Variants in CADM2 observed in about 807,000 individuals in gnomAD.
CADM2 encodes immunoglobulin superfamily member 4D.
A neutral mutation model predicts 49.8 loss-of-function variants in CADM2; 12 were observed. The ratio of observed to expected loss-of-function variants is 0.24; its 90% CI spans 0.15 to 0.39. The LOEUF (loss-of-function observed/expected upper bound fraction) is 0.39, where lower values mean the gene tolerates loss of function less well. Among genes scored for constraint, CADM2 ranks in the 10% least tolerant of loss-of-function variants. The pLI is 1.00. For synonymous variants in CADM2, 214 were observed against 175.4 expected, an observed-to-expected ratio of 1.22 and a Z score of -1.74; for missense variants, 378 against 492.3, an observed-to-expected ratio of 0.77 and a Z score of 2.20.
intron 5 of CADM2, among the ~76,000 whole-genome samples, chr3:85,887,174 A>T (rs1713780318): frequency 7.0e-6 from 1 of 143,552 alleles, no homozygotes; most frequent in Non-Finnish European, 1.6e-5. Flanking sequence ...TGTACCTCGC[A>T]CTCCTAGGCT....
At position 86,008,631 on chromosome 3, in the gene CADM2, A is replaced by T. The variant is rs141957548; in HGVS notation, c.970+46984A>T. 1.2e-3 allele frequency among the ~76,000 whole-genome samples: 179 copies of T among 152,166 alleles called. 1 individual carries two copies. The East Asian group carries it at 0.028, about 23-fold the overall frequency. On this transcript the variant is annotated intron_variant, in intron 8 of 9. Coordinates refer to ENST00000383699, the MANE Select transcript of CADM2 (RefSeq NM_001167675.2). Reference sequence around the variant, plus strand: ...GCAGAAAATCCAGTCACCAAAGAGGATTTAGAGGGCTAAATTTTAATTTGG... The same window carrying T: ...GCAGAAAATCCAGTCACCAAAGAGGTTTTAGAGGGCTAAATTTTAATTTGG...
intron 1 of CADM2, among the ~76,000 whole-genome samples, chr3:85,439,050 C>T (rs1302615567): frequency 3.3e-5 from 5 of 150,408 alleles, no homozygotes; most frequent in Non-Finnish European, 5.9e-5. Flanking sequence ...AGATAGAGCT[C>T]GATAGATAAT....
chr3:85,623,597 G>A (rs1440589938), intron 1 of CADM2, among the ~76,000 whole-genome samples: 2 of 152,112 alleles, frequency 1.3e-5, no homozygotes, highest in African/African-American at 2.4e-5. Context: ...GAATCAGAGA[G>A]CAAGTGTTAT....
intron 1 of CADM2, among the ~76,000 whole-genome samples, chr3:85,325,270 A>T (rs2044719276): frequency 6.6e-6 from 1 of 152,234 alleles, no homozygotes; most frequent in Non-Finnish European, 1.5e-5. Flanking sequence ...AATGAACTTG[A>T]TAGTGTCAAA....
At chr3:85,122,156 C>T (rs1286695827) in intron 1 of CADM2, among the ~76,000 whole-genome samples, 1 of 152,066 alleles carries the variant, frequency 6.6e-6, no homozygotes, top group African/African-American at 2.4e-5. Context: ...CATTCCCAAG[C>T]TCCTCCTCAA....
intron 1 of CADM2, among the ~76,000 whole-genome samples, chr3:85,145,832 G>T: frequency 6.6e-6 from 1 of 151,978 alleles, no homozygotes; most frequent in African/African-American, 2.4e-5. Flanking sequence ...AATTTACATG[G>T]AACATATAAG....
At chr3:85,961,013 T>TTA (rs5850722) in intron 7 of CADM2, among the ~76,000 whole-genome samples, 32,532 of 146,764 alleles carry the variant, frequency 0.22, 4,105 homozygotes, top group African/African-American at 0.34. Context: ...TTCATTATTA[T>TTA]TATATATATT....
intron 8 of CADM2, among the ~76,000 whole-genome samples, chr3:86,017,378 A>G (rs1732411907): frequency 1.3e-5 from 2 of 152,012 alleles, no homozygotes; most frequent in African/African-American, 4.8e-5. Context: ...ATTTCTGAAG[A>G]AAAATTATAA....
At chr3:85,348,690 A>G (rs1176631118) in intron 1 of CADM2, among the ~76,000 whole-genome samples, 3 of 152,176 alleles carry the variant, frequency 2.0e-5, no homozygotes, top group Non-Finnish European at 4.4e-5. Context: ...TGAAATGTCT[A>G]TATCCTAACA....
intron 3 of CADM2, among the ~76,000 whole-genome samples, chr3:85,847,624 G>C (rs1055229367): frequency 6.6e-6 from 1 of 152,142 alleles, no homozygotes; most frequent in Admixed American, 6.5e-5. Context: ...ATTTGCTTTA[G>C]AGTACCTATT....
At chr3:85,937,202 G>T (rs914902769) in intron 7 of CADM2, among the ~76,000 whole-genome samples, 1 of 151,850 alleles carries the variant, frequency 6.6e-6, no homozygotes, top group African/African-American at 2.4e-5. Flanking sequence ...ATGGTTGAAT[G>T]AATGTGCCTT....
chr3:85,053,186 A>T (rs2035951408), intron 1 of CADM2, among the ~76,000 whole-genome samples: 1 of 152,066 alleles, frequency 6.6e-6, no homozygotes, highest in Admixed American at 6.6e-5. Context: ...TCAGAGCTAA[A>T]GCAAAAGTTT....
chr3:85,689,145 CAAAG>C (rs879762788), intron 1 of CADM2, among the ~76,000 whole-genome samples: 1 of 151,976 alleles, frequency 6.6e-6, no homozygotes, highest in Non-Finnish European at 1.5e-5. Flanking sequence ...ATTGATTTGT[CAAAG>C]AATGCTGAAA....
At chr3:86,027,593 C>T (rs567659678) in intron 8 of CADM2, among the ~76,000 whole-genome samples, 3 of 152,136 alleles carry the variant, frequency 2.0e-5, no homozygotes, top group African/African-American at 4.8e-5. Context: ...TTATTTAAAA[C>T]GTTCTATATG....
At chr3:85,281,204 G>A (rs983188688) in intron 1 of CADM2, among the ~76,000 whole-genome samples, 1 of 151,742 alleles carries the variant, frequency 6.6e-6, no homozygotes, top group Non-Finnish European at 1.5e-5. Context: ...ACAATAAATT[G>A]CAAGTTAATT....
chr3:85,710,010 A>C (rs567278718), intron 1 of CADM2, among the ~76,000 whole-genome samples: 1 of 152,116 alleles, frequency 6.6e-6, no homozygotes, highest in Non-Finnish European at 1.5e-5. Context: ...TACTCTAGCA[A>C]ATTAATCTCA....
At chr3:85,212,812 C>CCCTTTCTT (rs2041809977) in intron 1 of CADM2, among the ~76,000 whole-genome samples, 12 of 102,542 alleles carry the variant, frequency 1.2e-4, no homozygotes, top group African/African-American at 2.2e-4. Context: ...TCTTTTTCTT[C>CCCTTTCTT]TCTTTCTTTC....
chr3:85,267,064 C>T (rs1319481890), intron 1 of CADM2, among the ~76,000 whole-genome samples: 1 of 151,632 alleles, frequency 6.6e-6, no homozygotes, highest in Non-Finnish European at 1.5e-5. Flanking sequence ...TTATTTTTTC[C>T]AAAATGTTAT....
rs550020586 is a variant in CADM2 at position 85,705,477 on chromosome 3, C to G, written c.62-21045C>G. On this transcript the variant is annotated intron_variant, in intron 1 of 9. Transcript: ENST00000383699. The stretch of plus-strand genomic sequence containing the variant: ...ATATTGAATGCTTATAGTGAGTAGA[C>G]TGGGTAAATGAACATGACAATACAC... Among the ~76,000 whole-genome samples the G allele has an allele frequency of 5.3e-5, 8 of 152,190 alleles. No individual in the cohort carries two copies. In the South Asian group the frequency reaches 1.7e-3, roughly 32 times the overall value.
Sources: gnomAD v4.1 joint callset for allele counts (sites outside exome capture counted in the v4.1 genomes callset) on GRCh38, gnomAD v4.1.1 for gene constraint, MANE v1.5 for transcripts, NCBI Gene and HGNC (gene_info 2026-07-23, HGNC 2026-07-21) for gene names.